Variants in MLLT10 observed in about 807,000 individuals in gnomAD.
The protein encoded by MLLT10 is protein AF-10.
Under a neutral mutation model 129.1 loss-of-function variants are expected in MLLT10, and 30 were observed. That is an observed-to-expected ratio of 0.23 (90% CI 0.17 to 0.32). The LOEUF (loss-of-function observed/expected upper bound fraction) is 0.32, where lower values mean the gene tolerates loss of function less well. MLLT10 is among the 10% of genes least tolerant of loss of function. The pLI is 1.00. For missense variants in MLLT10, 1,119 were observed against 1,268.3 expected (o/e 0.88, Z 1.79); for synonymous variants, 490 against 446.4 (o/e 1.10, Z -1.23).
At chr10:21,734,361 A>G (rs2131581584) in intron 20 of MLLT10, among the ~76,000 whole-genome samples, 1 of 152,282 alleles carries the variant, frequency 6.6e-6, no homozygotes, top group Non-Finnish European at 1.5e-5. Context: ...ATTAGTCTTA[A>G]TCTGTGATGT....
At chr10:21,584,067 C>T (rs1206022099) in intron 3 of MLLT10, among the ~76,000 whole-genome samples, 1 of 151,722 alleles carries the variant, frequency 6.6e-6, no homozygotes, top group East Asian at 1.9e-4. Flanking sequence ...GACGGGGTTT[C>T]ACCGTGTTAG....
chr10:21,624,027 A>C (rs1248072812), intron 8 of MLLT10, among the ~76,000 whole-genome samples: 1 of 152,210 alleles, frequency 6.6e-6, no homozygotes, highest in Non-Finnish European at 1.5e-5. Context: ...TTGACGTTTA[A>C]GCCAAACAAA....
chr10:21,589,299 T>C (rs527510957), intron 4 of MLLT10, among the ~76,000 whole-genome samples: 1 of 152,110 alleles, frequency 6.6e-6, no homozygotes, highest in Non-Finnish European at 1.5e-5. Context: ...GAGTTATTAG[T>C]TAGAAAGGCC....
chr10:21,569,081 G>T lies in MLLT10; in HGVS notation c.241-17213G>T, dbSNP rs116571334. Among the ~76,000 whole-genome samples, 818 of 152,186 alleles carry T rather than the reference G, an allele frequency of 5.4e-3. 5 individuals are homozygous for T. The highest frequency in any genetic ancestry group is 0.018 in the African/African-American group (765 of 41,532). ...AAACCTTTTAAATTTACCAAGAGTT[G>T]TTTTTTTGGCCTGAATATGGTATAT... On this transcript the variant is annotated intron_variant, in intron 3 of 22. Transcript: ENST00000307729.
chr10:21,692,416 C>T (rs1010020707), intron 13 of MLLT10, among the ~76,000 whole-genome samples: 12 of 151,790 alleles, frequency 7.9e-5, no homozygotes, highest in South Asian at 2.1e-4. Context: ...GTGATCCTCC[C>T]GCCTCAGCTT....
At chr10:21,599,299 G>GCACA (rs2043298699) in intron 5 of MLLT10, among the ~76,000 whole-genome samples, 1 of 151,648 alleles carries the variant, frequency 6.6e-6, no homozygotes, top group Non-Finnish European at 1.5e-5. Flanking sequence ...CCAAGATTGT[G>GCACA]CCACTGCACT....
At chr10:21,730,022 G>GA (rs2057827600) in intron 16 of MLLT10, among the ~76,000 whole-genome samples, 1 of 152,090 alleles carries the variant, frequency 6.6e-6, no homozygotes, top group South Asian at 2.1e-4. Flanking sequence ...CCAGCAGTTA[G>GA]ATAGAGAGGC....
rs2041978604 is a variant in MLLT10 at position 21,586,284 on chromosome 10, T to A, written c.241-10T>A. On this transcript the variant is annotated splice_polypyrimidine_tract_variant and intron_variant, in intron 3 of 22. Coordinates refer to ENST00000307729, the MANE Select transcript of MLLT10 (RefSeq NM_001195626.3). ...ATATTCATTACCTGTTTCTTTTTTTTTTTTTATAGAGATGTGAACTTTGTC... is the reference window on the plus strand; with the variant it reads ...ATATTCATTACCTGTTTCTTTTTTTATTTTTATAGAGATGTGAACTTTGTC... 6.4e-6 allele frequency: 10 copies of A among 1,555,152 alleles called. No homozygotes were observed. Among genetic ancestry groups the A allele is most frequent in the Non-Finnish European group, 8.7e-6 (10 of 1,146,848 alleles).
chr10:21,562,371 C>G (rs945340599), intron 3 of MLLT10, among the ~76,000 whole-genome samples: 1 of 150,924 alleles, frequency 6.6e-6, no homozygotes, highest in Non-Finnish European at 1.5e-5. Flanking sequence ...GCGTCTCACT[C>G]TTGTTGCCCA....
intron 5 of MLLT10, among the ~76,000 whole-genome samples, chr10:21,611,586 C>T (rs2044659588): frequency 6.6e-6 from 1 of 152,130 alleles, no homozygotes; most frequent in Non-Finnish European, 1.5e-5. Flanking sequence ...ATTCATTATA[C>T]ACCGATACTT....
rs1589513331 is a variant in MLLT10, at chr10:21,664,744, G to C, written c.796-5705G>C. Among the ~76,000 whole-genome samples the C allele has an allele frequency of 3.9e-5, 6 of 152,046 alleles. 1 individual carries two copies. In the South Asian group the frequency reaches 1.2e-3, roughly 32 times the overall value. ...CAGTTATTGTGAGCGGTGGGTATTAGGTGCAGAAACAATTAGGATTTTTGT... is the reference window on the plus strand; with the variant it reads ...CAGTTATTGTGAGCGGTGGGTATTACGTGCAGAAACAATTAGGATTTTTGT... On this transcript the variant is annotated intron_variant, in intron 9 of 22. Transcript: ENST00000307729.
At chr10:21,632,034 A>G (rs1199075632) in intron 8 of MLLT10, among the ~76,000 whole-genome samples, 3 of 151,524 alleles carry the variant, frequency 2.0e-5, no homozygotes, top group Non-Finnish European at 2.9e-5. Flanking sequence ...GTTCTGTTCC[A>G]GGAAGCTATT....
At chr10:21,558,621 C>T (rs746122972) in intron 3 of MLLT10, among the ~76,000 whole-genome samples, 7 of 151,042 alleles carry the variant, frequency 4.6e-5, no homozygotes, top group Middle Eastern at 3.3e-3. Flanking sequence ...CCTGGCCTCA[C>T]GCAGTCCTCC....
intron 11 of MLLT10, among the ~76,000 whole-genome samples, chr10:21,678,218 C>T (rs2052385852): frequency 6.6e-6 from 1 of 152,118 alleles, no homozygotes; most frequent in Non-Finnish European, 1.5e-5. Context: ...AGTTCCCCTG[C>T]CTCAGCCTCC....
chr10:21,703,299 TC>T lies in MLLT10; in HGVS notation c.1700-10471del, dbSNP rs770237242. Reference sequence around the variant, plus strand: ...TCCTTGGCTGAAAGTTTTTTTTTTTTCCTTTCAGCACTTTTGAATATATCAT... The same window carrying T: ...TCCTTGGCTGAAAGTTTTTTTTTTTTCTTTCAGCACTTTTGAATATATCAT... On this transcript the variant is annotated intron_variant, in intron 13 of 22. Coordinates refer to ENST00000307729, the MANE Select transcript of MLLT10 (RefSeq NM_001195626.3). Among the ~76,000 whole-genome samples the T allele has an allele frequency of 2.6e-5, 4 of 152,104 alleles. No homozygotes were observed. The East Asian group carries it at 7.7e-4, about 29-fold the overall frequency.
At chr10:21,697,216 C>A (rs530455697) in intron 13 of MLLT10, among the ~76,000 whole-genome samples, 1 of 151,946 alleles carries the variant, frequency 6.6e-6, no homozygotes, top group South Asian at 2.1e-4. Flanking sequence ...CCTGTAATCC[C>A]AGGACTTTGA....
At chr10:21,552,316 TG>T (rs945882581) in intron 3 of MLLT10, among the ~76,000 whole-genome samples, 1 of 152,026 alleles carries the variant, frequency 6.6e-6, no homozygotes, top group Non-Finnish European at 1.5e-5. Context: ...ATATTTGTTC[TG>T]TATTTCAGCT....
chr10:21,550,943 T>C (rs1309083099), intron 3 of MLLT10, among the ~76,000 whole-genome samples: 1 of 147,678 alleles, frequency 6.8e-6, no homozygotes, highest in African/African-American at 2.5e-5. Context: ...TTTTTTTTTT[T>C]GAAATGGAGT....
At chr10:21,673,315 C>CACA in intron 10 of MLLT10, 35 bp from the exon 11 acceptor site, 5 of 616,710 alleles carry the variant, frequency 8.1e-6, no homozygotes, top group Non-Finnish European at 1.2e-5. Context: ...CCCCACCCCC[C>CACA]AACTTTTTTT....
Sources: gnomAD v4.1 joint callset for allele counts (sites outside exome capture counted in the v4.1 genomes callset) on GRCh38, gnomAD v4.1.1 for gene constraint, MANE v1.5 for transcripts, NCBI Gene and HGNC (gene_info 2026-07-23, HGNC 2026-07-21) for gene names.